CLEC2L: variants seen among roughly 807,000 people sequenced by gnomAD.
CLEC2L encodes the protein C-type lectin domain family 2, member L.
A neutral mutation model predicts 23.6 loss-of-function variants in CLEC2L; 14 were observed. The ratio of observed to expected loss-of-function variants is 0.59; its 90% CI spans 0.39 to 0.93. The LOEUF (loss-of-function observed/expected upper bound fraction) is 0.93, where lower values mean the gene tolerates loss of function less well. CLEC2L is among the 40% of genes least tolerant of loss of function. CLEC2L has a pLI of 0.00. For synonymous variants in CLEC2L, 114 were observed against 121.3 expected (o/e 0.94, Z 0.40); for missense variants, 264 against 282.4 (o/e 0.93, Z 0.47).
intron 1 of CLEC2L, among the ~76,000 whole-genome samples, chr7:139,527,254 G>C (rs1028960577): frequency 1.3e-5 from 2 of 152,142 alleles, no homozygotes; most frequent in Non-Finnish European, 2.9e-5. Context: ...TGAAAGCCCT[G>C]TTGTGAAGGC....
At chr7:139,542,306 A>G (rs1263038935) in intron 4 of CLEC2L, among the ~76,000 whole-genome samples, 185 bp downstream of exon 4, 3 of 152,158 alleles carry the variant, frequency 2.0e-5, no homozygotes, top group African/African-American at 7.2e-5. Context: ...CCTCTCTCAT[A>G]AAAGTCCAGC....
intron 1 of CLEC2L, among the ~76,000 whole-genome samples, chr7:139,524,796 T>A (rs534868393): frequency 6.6e-6 from 1 of 152,084 alleles, no homozygotes; most frequent in Admixed American, 6.6e-5. Context: ...ATGCAGGAGT[T>A]GGTGAGAGGG....
intron 1 of CLEC2L, chr7:139,534,533 A>T: frequency 1.3e-6 from 1 of 764,600 alleles, no homozygotes. Context: ...CTTCATCGGC[A>T]GGCTCAACAG....
intron 1 of CLEC2L, among the ~76,000 whole-genome samples, chr7:139,524,445 C>T (rs756635857): frequency 6.6e-6 from 1 of 152,238 alleles, no homozygotes; most frequent in Non-Finnish European, 1.5e-5. Context: ...ACCCACCAGA[C>T]AGGCGTGTTG....
rs942843112 is a variant in CLEC2L at position 139,540,124 on chromosome 7, C to A, written c.266-197C>A. The A allele has an allele frequency of 1.7e-6, 1 of 578,192 alleles. No homozygotes were observed. Among genetic ancestry groups the A allele is most frequent in the Non-Finnish European group, 3.1e-6 (1 of 327,830 alleles). 35.8% of individuals were successfully genotyped at this position (578,192 alleles called of 1,614,324 possible). ...CTGTCACTTCCCGTCGTGATGATGC[C>A]CCTGCCAGGCTTCCCACAGTCCCCT... On this transcript the variant is annotated intron_variant, in intron 2 of 4. Transcript: ENST00000422142. This position sits in a 1 kb window ranked among gnomAD's most constrained non-coding sequence, Gnocchi z 5.8.
At chr7:139,531,147 A>G (rs958669282) in intron 1 of CLEC2L, among the ~76,000 whole-genome samples, 3 of 152,178 alleles carry the variant, frequency 2.0e-5, no homozygotes, top group African/African-American at 7.2e-5. Flanking sequence ...TCATGAACAG[A>G]TAACTGTGGT....
intron 2 of CLEC2L, among the ~76,000 whole-genome samples, chr7:139,537,984 G>A (rs1398977914): frequency 6.6e-6 from 1 of 152,220 alleles, no homozygotes; most frequent in Non-Finnish European, 1.5e-5. Flanking sequence ...TTGCAAAAAT[G>A]ATTTTAGTGC....
At chr7:139,524,188 G>C in intron 1 of CLEC2L, 71 bp downstream of exon 1, 3 of 1,103,854 alleles carry the variant, frequency 2.7e-6, no homozygotes, top group Non-Finnish European at 3.3e-6. Flanking sequence ...ACCCGGAGGC[G>C]GTCAGAGTCA....
intron 3 of CLEC2L, among the ~76,000 whole-genome samples, chr7:139,541,189 A>G (rs1797730229): frequency 6.6e-6 from 1 of 151,920 alleles, no homozygotes; most frequent in African/African-American, 2.4e-5. Context: ...TTGTATTTTT[A>G]GTAGAGACAG....
At chr7:139,535,956 T>C (rs763581895) in intron 1 of CLEC2L, among the ~76,000 whole-genome samples, 74 of 152,264 alleles carry the variant, frequency 4.9e-4, no homozygotes, top group Non-Finnish European at 9.8e-4. Flanking sequence ...AGCTGCGCTC[T>C]ACAGCAGTGG....
rs367916571 is a variant in CLEC2L, at chr7:139,544,594, T to TAC, written c.*264_*265dup. Reference sequence around the variant, plus strand: ...TAGGTAGTGTAGGCATCTGCCCACCTACACACACACACATGCATAGGTACA... The same window carrying TAC: ...TAGGTAGTGTAGGCATCTGCCCACCTACACACACACACACATGCATAGGTACA... On this transcript the variant is annotated 3_prime_UTR_variant, in exon 5 of 5. Transcript: ENST00000422142. 1.0e-4 allele frequency: 54 copies of TAC among 527,464 alleles called. No individual in the cohort carries two copies. The highest frequency in any genetic ancestry group is 5.8e-4 in the South Asian group (26 of 44,754). The allele number at this position is 527,464 out of a possible 1,614,324, so 32.7% of individuals were successfully genotyped here. A position where few individuals can be genotyped will look rare whatever the true frequency, so the allele number is the denominator to read the frequency against.
rs187335618 is a variant in CLEC2L at position 139,528,343 on chromosome 7, C to T, written c.190+4226C>T. Among the ~76,000 whole-genome samples, 65 of 152,198 alleles carry T rather than the reference C, an allele frequency of 4.3e-4. 1 individual carries two copies. The highest frequency in any genetic ancestry group is 1.2e-3 in the South Asian group (6 of 4,816). ...TGAAGACAAAGGCACTGTATTAGTCCGTTCTCACACTGCTAATAAAGACAT... is the reference window on the plus strand; with the variant it reads ...TGAAGACAAAGGCACTGTATTAGTCTGTTCTCACACTGCTAATAAAGACAT... On this transcript the variant is annotated intron_variant, in intron 1 of 4. Transcript: ENST00000422142.
intron 2 of CLEC2L, among the ~76,000 whole-genome samples, chr7:139,538,154 C>T (rs1355362657): frequency 5.3e-5 from 8 of 152,098 alleles, no homozygotes; most frequent in Admixed American, 6.6e-5. Flanking sequence ...ATATGGCAGC[C>T]GGGTGCAGTG....
At chr7:139,530,687 C>A (rs1797569796) in intron 1 of CLEC2L, among the ~76,000 whole-genome samples, 1 of 151,822 alleles carries the variant, frequency 6.6e-6, no homozygotes, top group African/African-American at 2.4e-5. Context: ...GTGGCGGGTG[C>A]CTATAATCCC....
At chr7:139,530,779 C>G (rs1469552922) in intron 1 of CLEC2L, among the ~76,000 whole-genome samples, 1 of 140,044 alleles carries the variant, frequency 7.1e-6, no homozygotes, top group Non-Finnish European at 1.5e-5. Flanking sequence ...CACCACTGTA[C>G]TCCAGCCTGG....
At chr7:139,544,048 C>T (rs142008582) in intron 4 of CLEC2L, among the ~76,000 whole-genome samples, 183 bp from the exon 5 acceptor site, 47 of 152,280 alleles carry the variant, frequency 3.1e-4, no homozygotes, top group South Asian at 4.2e-4. Context: ...CTACGGTGCA[C>T]AGAGTAGGGA....
chr7:139,543,631 T>A (rs1220706974), intron 4 of CLEC2L, among the ~76,000 whole-genome samples: 1 of 152,218 alleles, frequency 6.6e-6, no homozygotes, highest in African/African-American at 2.4e-5. Context: ...GTGTGTGATG[T>A]CAATGAGTTC....
chr7:139,541,973 T>G (rs750733425), intron 3 of CLEC2L, 48 bp from the exon 4 acceptor site: 1 of 1,309,086 alleles, frequency 7.6e-7, no homozygotes. Flanking sequence ...GTGACAGCAG[T>G]CAGGAGACCG....
In CLEC2L at chr7:139,527,341, G is replaced by A. The variant is rs369226821; in HGVS notation, c.190+3224G>A. Among the ~76,000 whole-genome samples the A allele has an allele frequency of 5.3e-5, 8 of 152,122 alleles. No homozygotes were observed. The East Asian group carries it at 7.7e-4, about 15-fold the overall frequency. ...GGGATCATCAAATTCCCACACACAC[G>A]CTCTCCTCCCCCTGCTCCCCAGACA... On this transcript the variant is annotated intron_variant, in intron 1 of 4. Transcript: ENST00000422142.
Sources: gnomAD v4.1 joint callset for allele counts (sites outside exome capture counted in the v4.1 genomes callset) on GRCh38, gnomAD v4.1.1 for gene constraint, Gnocchi (gnomAD v3.1) non-coding constraint, MANE v1.5 for transcripts, NCBI Gene and HGNC (gene_info 2026-07-23, HGNC 2026-07-21) for gene names.